Variants in HECW2 observed in about 807,000 individuals in gnomAD.
HECW2 encodes E3 ubiquitin-protein ligase HECW2.
Under a neutral mutation model 175.2 loss-of-function variants are expected in HECW2, and 61 were observed. That is an observed-to-expected ratio of 0.35 (90% CI 0.28 to 0.43). HECW2 has a LOEUF of 0.43. Ranked by LOEUF, HECW2 falls within the 20% of genes least tolerant of loss-of-function variation. The pLI is 1.00. For synonymous variants in HECW2, 671 were observed against 731.0 expected (o/e 0.92, Z 1.32); for missense variants, 1,524 against 2,000.5 (o/e 0.76, Z 4.54).
At chr2:196,361,657 T>G (rs1457196714) in intron 2 of HECW2, among the ~76,000 whole-genome samples, 1 of 152,172 alleles carries the variant, frequency 6.6e-6, no homozygotes, top group Non-Finnish European at 1.5e-5. Context: ...ATGTGCCACA[T>G]AGTTTGTTAA....
intron 1 of HECW2, among the ~76,000 whole-genome samples, chr2:196,556,817 C>T (rs1689808802): frequency 6.6e-6 from 1 of 152,142 alleles, no homozygotes; most frequent in South Asian, 2.1e-4. Flanking sequence ...TTACATCTGA[C>T]TACCAAAAAC....
chr2:196,293,896 C>T (rs1690700445), intron 13 of HECW2, among the ~76,000 whole-genome samples: 1 of 152,194 alleles, frequency 6.6e-6, no homozygotes. Flanking sequence ...ATGAGTTGCT[C>T]TCACTGACCA....
At chr2:196,351,190 T>TTAAA (rs1553505161) in intron 2 of HECW2, among the ~76,000 whole-genome samples, 2 of 151,282 alleles carry the variant, frequency 1.3e-5, no homozygotes, top group African/African-American at 4.9e-5. Flanking sequence ...TCTTTTTTTT[T>TTAAA]AAAAAAAATG....
chr2:196,279,210 G>A (rs6741551), intron 14 of HECW2, among the ~76,000 whole-genome samples: 28,558 of 151,888 alleles, frequency 0.19, 2,925 homozygotes, highest in African/African-American at 0.25. Flanking sequence ...CACCACGCCC[G>A]GCTAATTTTT....
intron 1 of HECW2, among the ~76,000 whole-genome samples, chr2:196,463,405 C>CAAA (rs34754004): frequency 1.8e-5 from 1 of 55,726 alleles, no homozygotes; most frequent in African/African-American, 5.9e-5. Flanking sequence ...CTCTACCCTG[C>CAAA]AAAAAAAAAA....
intron 11 of HECW2, 72 bp from the exon 12 acceptor site, chr2:196,307,305 T>C: frequency 9.6e-7 from 1 of 1,038,074 alleles, no homozygotes; most frequent in Non-Finnish European, 1.5e-6. Flanking sequence ...CCCAAGAGTC[T>C]AGAACTTTTC....
At chr2:196,547,098 A>C (rs186796559) in intron 1 of HECW2, among the ~76,000 whole-genome samples, 2 of 152,338 alleles carry the variant, frequency 1.3e-5, no homozygotes, top group Admixed American at 1.3e-4. Flanking sequence ...GTTTTCAGCT[A>C]TCTTTACCTC....
At chr2:196,345,205 G>A (rs1486482345) in intron 2 of HECW2, among the ~76,000 whole-genome samples, 1 of 152,186 alleles carries the variant, frequency 6.6e-6, no homozygotes, top group Non-Finnish European at 1.5e-5. Flanking sequence ...TAACCAAGAT[G>A]CTGATACTTA....
intron 1 of HECW2, among the ~76,000 whole-genome samples, chr2:196,478,016 C>T (rs1256317437): frequency 6.6e-6 from 1 of 152,168 alleles, no homozygotes; most frequent in Non-Finnish European, 1.5e-5. Context: ...CATGCCACTG[C>T]ACTCCAGCCT....
chr2:196,444,291 GT>G (rs1559113713), intron 1 of HECW2, among the ~76,000 whole-genome samples: 2 of 151,856 alleles, frequency 1.3e-5, no homozygotes, highest in Non-Finnish European at 2.9e-5. Context: ...AGGTGGGAAA[GT>G]CTTCTTTGCA....
intron 17 of HECW2, among the ~76,000 whole-genome samples, chr2:196,262,519 A>G (rs1689339320): frequency 6.6e-6 from 1 of 152,074 alleles, no homozygotes; most frequent in Non-Finnish European, 1.5e-5. Context: ...GGTACAACTT[A>G]AATTCCTTTT....
intron 18 of HECW2, 120 bp from the exon 19 acceptor site, chr2:196,254,149 C>A (rs1688961820): frequency 1.4e-6 from 2 of 1,406,280 alleles, no homozygotes; most frequent in Non-Finnish European, 1.9e-6. Flanking sequence ...AGAGCATCCG[C>A]CCCCTTTCTC....
At chr2:196,509,977 T>C (rs1300324887) in intron 1 of HECW2, among the ~76,000 whole-genome samples, 1 of 152,218 alleles carries the variant, frequency 6.6e-6, no homozygotes, top group East Asian at 1.9e-4. Flanking sequence ...ACTCATAATC[T>C]ATTTATTCAT....
intron 1 of HECW2, among the ~76,000 whole-genome samples, chr2:196,437,251 G>A (rs1278592053): frequency 6.6e-6 from 1 of 151,916 alleles, no homozygotes; most frequent in Non-Finnish European, 1.5e-5. Context: ...ACTGGGAGGC[G>A]GAGAAGAAAA....
intron 10 of HECW2, among the ~76,000 whole-genome samples, chr2:196,312,916 G>A (rs1276305141): frequency 5.9e-5 from 9 of 152,118 alleles, no homozygotes; most frequent in Non-Finnish European, 1.2e-4. Flanking sequence ...TTCACTGCAT[G>A]GTTTTAGGCC....
At chr2:196,452,943 C>T (rs1376715116) in intron 1 of HECW2, among the ~76,000 whole-genome samples, 1 of 151,956 alleles carries the variant, frequency 6.6e-6, no homozygotes, top group Non-Finnish European at 1.5e-5. Context: ...GAGACTAAAC[C>T]CCATCTGTAA....
intron 7 of HECW2, 61 bp downstream of exon 7, chr2:196,322,417 A>G: frequency 2.8e-6 from 4 of 1,441,228 alleles, no homozygotes; most frequent in Non-Finnish European, 3.8e-6. Flanking sequence ...ACCAAGTTTC[A>G]TGTCATTTTT....
intron 14 of HECW2, chr2:196,290,418 A>C (rs1020989284): frequency 6.6e-6 from 1 of 152,354 alleles, no homozygotes; most frequent in African/African-American, 2.4e-5. Context: ...CCTCTCTCCT[A>C]AAGTGTGTCT....
chr2:196,234,704 G>C (rs762768320), intron 21 of HECW2, among the ~76,000 whole-genome samples: 72 of 149,490 alleles, frequency 4.8e-4, no homozygotes, highest in Non-Finnish European at 8.4e-4. Flanking sequence ...AAAATACGTA[G>C]AATAATTCAC....
Sources: allele counts gnomAD v4.1 joint callset (sites outside exome capture counted in the v4.1 genomes callset), GRCh38; gene constraint gnomAD v4.1.1; transcripts MANE v1.5; gene names NCBI Gene and HGNC (gene_info 2026-07-23, HGNC 2026-07-21).